P4HA1: variants seen among roughly 807,000 people sequenced by gnomAD.
P4HA1 encodes the protein prolyl 4-hydroxylase subunit alpha-1.
A neutral mutation model predicts 72.8 loss-of-function variants in P4HA1; 24 were observed. The ratio of observed to expected loss-of-function variants is 0.33; its 90% CI spans 0.24 to 0.46. P4HA1 has a LOEUF of 0.46. P4HA1 is among the 20% of genes least tolerant of loss of function. The pLI, the probability that P4HA1 is intolerant of heterozygous loss-of-function variation, is 1.00. For synonymous variants in P4HA1, 201 were observed against 218.8 expected (o/e 0.92, Z 0.72); for missense variants, 446 against 640.6 (o/e 0.70, Z 3.28).
intron 5 of P4HA1, among the ~76,000 whole-genome samples, chr10:73,058,207 C>G (rs895539559): frequency 1.3e-5 from 2 of 148,696 alleles, no homozygotes; most frequent in African/African-American, 4.9e-5. Flanking sequence ...GGGTGGCAAT[C>G]TTTAGATGGT....
chr10:73,054,664 A>G (rs1249625467), intron 5 of P4HA1, among the ~76,000 whole-genome samples: 2 of 152,246 alleles, frequency 1.3e-5, no homozygotes, highest in African/African-American at 2.4e-5. Flanking sequence ...TAACGTTTTG[A>G]GGAACTGCCA....
intron 11 of P4HA1, among the ~76,000 whole-genome samples, chr10:73,016,505 A>G (rs541131394): frequency 6.6e-6 from 1 of 152,340 alleles, no homozygotes; most frequent in East Asian, 1.9e-4. Context: ...GGCCGGGCAC[A>G]GTGGCTCACG....
intron 1 of P4HA1, among the ~76,000 whole-genome samples, 185 bp from the exon 2 acceptor site, chr10:73,075,100 T>A (rs1035883402): frequency 1.3e-5 from 2 of 152,154 alleles, no homozygotes; most frequent in African/African-American, 4.8e-5. Context: ...AGTACTACCA[T>A]GACATTTCTT....
intron 13 of P4HA1, among the ~76,000 whole-genome samples, chr10:73,010,561 T>A (rs1839892706): frequency 6.6e-6 from 1 of 152,120 alleles, no homozygotes; most frequent in Admixed American, 6.6e-5. Context: ...GCAAGGACCA[T>A]AAAAATACCT....
chr10:73,010,409 T>G (rs1478705170), intron 13 of P4HA1, among the ~76,000 whole-genome samples: 2 of 152,174 alleles, frequency 1.3e-5, no homozygotes, highest in African/African-American at 4.8e-5. Context: ...TAAAAATGTT[T>G]GACAACAAAA....
intron 9 of P4HA1, among the ~76,000 whole-genome samples, chr10:73,038,982 T>C (rs1487431746): frequency 6.6e-6 from 1 of 152,210 alleles, no homozygotes; most frequent in African/African-American, 2.4e-5. Flanking sequence ...AGTTAACAGA[T>C]TGTCAGTAAC....
chr10:73,013,035 A>C (rs1839943053), intron 12 of P4HA1, among the ~76,000 whole-genome samples: 2 of 152,148 alleles, frequency 1.3e-5, no homozygotes, highest in South Asian at 4.1e-4. Context: ...ACCTCAAGTG[A>C]TCTGCCCGCC....
rs1840344345 is a variant in P4HA1 at position 73,028,344 on chromosome 10, AC to A, written c.1248+1926del. 5.3e-5 allele frequency among the ~76,000 whole-genome samples: 8 copies of A among 150,318 alleles called. No individual in the cohort carries two copies. The South Asian group carries it at 1.2e-3, about 23-fold the overall frequency. On this transcript the variant is annotated intron_variant, in intron 10 of 14. Coordinates refer to ENST00000394890, the MANE Select transcript of P4HA1 (RefSeq NM_001017962.3). ...CACACACACACACACACACACACAC[AC>A]AAAATACATTTTTAAAACTTAATTA...
chr10:73,071,656 G>C (rs1351031478), intron 4 of P4HA1, among the ~76,000 whole-genome samples: 1 of 151,774 alleles, frequency 6.6e-6, no homozygotes, highest in Non-Finnish European at 1.5e-5. Context: ...ATAGAACACA[G>C]CTAATACTTC....
chr10:73,066,701 C>T (rs966692150), intron 5 of P4HA1, among the ~76,000 whole-genome samples: 2 of 152,010 alleles, frequency 1.3e-5, no homozygotes, highest in African/African-American at 2.4e-5. Context: ...CTATCAAGGG[C>T]GGGACAAGGT....
At chr10:73,053,964 T>A (rs2133101496) in intron 5 of P4HA1, among the ~76,000 whole-genome samples, 1 of 152,142 alleles carries the variant, frequency 6.6e-6, no homozygotes, top group East Asian at 1.9e-4. Context: ...TTGCCCAGGC[T>A]GGAATGCAAT....
At chr10:73,021,855 G>T (rs1342950681) in intron 10 of P4HA1, among the ~76,000 whole-genome samples, 1 of 152,240 alleles carries the variant, frequency 6.6e-6, no homozygotes, top group East Asian at 1.9e-4. Context: ...GCCTGGCTCA[G>T]TGGGTCCCAT....
intron 10 of P4HA1, among the ~76,000 whole-genome samples, chr10:73,020,288 A>T (rs765044761): frequency 8.5e-5 from 13 of 152,148 alleles, no homozygotes; most frequent in Admixed American, 3.3e-4. Context: ...AAACTTTTAT[A>T]AAAAACCTAG....
intron 1 of P4HA1, among the ~76,000 whole-genome samples, chr10:73,087,818 T>C (rs559994191): frequency 2.6e-5 from 4 of 152,246 alleles, no homozygotes; most frequent in Admixed American, 6.5e-5. Context: ...GTCTATTTTT[T>C]GTCAGATATG....
At chr10:73,057,140 G>A (rs1219833711) in intron 5 of P4HA1, among the ~76,000 whole-genome samples, 1 of 151,488 alleles carries the variant, frequency 6.6e-6, no homozygotes, top group Admixed American at 6.6e-5. Flanking sequence ...AAATTATCAT[G>A]GCATAAACTA....
rs1249121143 is a variant in P4HA1, at chr10:73,016,848, G to A, written c.1300C>T (p.Arg434Trp). 4.4e-6 allele frequency: 7 copies of A among 1,604,952 alleles called. No homozygotes were observed. Among genetic ancestry groups the A allele is most frequent in the African/African-American group, 2.7e-5 (2 of 74,684 alleles). Reference sequence around the variant, plus strand: ...TTCTCCATTTCTTTTTCACTTACCCGTGCAAAGTCAAAATGGGGTTCATAC... The same window carrying A: ...TTCTCCATTTCTTTTTCACTTACCCATGCAAAGTCAAAATGGGGTTCATAC... ...GQYEPHFDFA[R>W]KDEPDAFKEL... Residue 434 changes from arginine to tryptophan, a missense_variant and splice_region_variant, in exon 11 of 15, where the codon CGG (arginine) becomes TGG (tryptophan). Coordinates refer to ENST00000394890, the MANE Select transcript of P4HA1 (RefSeq NM_001017962.3).
At chr10:73,085,367 A>C (rs1430726982) in intron 1 of P4HA1, among the ~76,000 whole-genome samples, 8 of 151,558 alleles carry the variant, frequency 5.3e-5, no homozygotes. Flanking sequence ...CAAATATATA[A>C]AGAACTTAGA....
intron 5 of P4HA1, among the ~76,000 whole-genome samples, chr10:73,066,369 C>G (rs2133121674): frequency 6.6e-6 from 1 of 152,238 alleles, no homozygotes; most frequent in East Asian, 1.9e-4. Flanking sequence ...GCCCCTAAGA[C>G]TAAACACAGT....
intron 1 of P4HA1, among the ~76,000 whole-genome samples, chr10:73,093,873 A>AATAT (rs1167437294): frequency 0.042 from 1,217 of 29,184 alleles, 79 homozygotes; most frequent in Non-Finnish European, 0.072. Flanking sequence ...AAAAAAAAAA[A>AATAT]ATATATATAT....
Sources: allele counts gnomAD v4.1 joint callset (sites outside exome capture counted in the v4.1 genomes callset), GRCh38; gene constraint gnomAD v4.1.1; transcripts MANE v1.5; gene names NCBI Gene and HGNC (gene_info 2026-07-23, HGNC 2026-07-21).